Variants in ZNF385D observed in about 807,000 individuals in gnomAD.
ZNF385D encodes the protein zinc finger protein 385D, also known as zinc finger protein 659.
ZNF385D carries 15 observed loss-of-function variants against 35.8 expected under a neutral mutation model. The ratio of observed to expected loss-of-function variants is 0.42; its 90% CI spans 0.28 to 0.64. The LOEUF (loss-of-function observed/expected upper bound fraction) is 0.64, where lower values mean the gene tolerates loss of function less well. Ranked by LOEUF, ZNF385D falls within the 30% of genes least tolerant of loss-of-function variation. The pLI is 0.23. For synonymous variants in ZNF385D, 212 were observed against 186.8 expected (o/e 1.13, Z -1.10); for missense variants, 474 against 494.6 (o/e 0.96, Z 0.39).
chr3:21,774,044 G>A (rs112235943), intron 3 of ZNF385D, among the ~76,000 whole-genome samples: 12,181 of 151,920 alleles, frequency 0.08, 796 homozygotes, highest in East Asian at 0.33. Context: ...GATAGACTGC[G>A]TAAAGAAAAT....
intron 3 of ZNF385D, among the ~76,000 whole-genome samples, chr3:22,013,175 G>A (rs1024776167): frequency 4.4e-4 from 67 of 152,144 alleles, no homozygotes; most frequent in African/African-American, 1.5e-3. Flanking sequence ...TGTTAAAACT[G>A]AAAATATATA....
chr3:21,670,663 C>G (rs1559505450), intron 1 of ZNF385D, among the ~76,000 whole-genome samples: 2 of 21,310 alleles, frequency 9.4e-5, no homozygotes, highest in African/African-American at 2.6e-4. Context: ...CCCCCCCCCC[C>G]CCCCCCCCCC....
At chr3:21,780,478 T>C (rs9877894) in intron 3 of ZNF385D, among the ~76,000 whole-genome samples, 19,022 of 151,998 alleles carry the variant, frequency 0.13, 1,975 homozygotes, top group African/African-American at 0.29. Flanking sequence ...ACGACATGCA[T>C]CTGTACTACT....
At chr3:22,263,661 T>G (rs1462352173) in intron 2 of ZNF385D, among the ~76,000 whole-genome samples, 1 of 152,028 alleles carries the variant, frequency 6.6e-6, no homozygotes, top group African/African-American at 2.4e-5. Flanking sequence ...TAATAAATAT[T>G]TGTTAAATGA....
chr3:21,997,557 GAAAA>G (rs35859359), intron 3 of ZNF385D, among the ~76,000 whole-genome samples: 4 of 145,176 alleles, frequency 2.8e-5, no homozygotes, highest in Non-Finnish European at 4.5e-5. Context: ...TATCTCTGCA[GAAAA>G]AAAAAACAGT....
At chr3:22,130,026 G>A (rs1334835729) in intron 3 of ZNF385D, among the ~76,000 whole-genome samples, 1 of 152,124 alleles carries the variant, frequency 6.6e-6, no homozygotes. Context: ...TCTTAAGCCA[G>A]CAGGTTGTAA....
rs1040244405 is a variant in ZNF385D, at chr3:21,640,524, G to T, written c.165+24362C>A. ...ATTAGGTTTAGAGGCAATCAGGAGGGTGGAGCCCCCATGACAAGATTAGTG... is the reference window on the plus strand; with the variant it reads ...ATTAGGTTTAGAGGCAATCAGGAGGTTGGAGCCCCCATGACAAGATTAGTG... On this transcript the variant is annotated intron_variant, in intron 2 of 7. Transcript: ENST00000281523. 3.9e-5 allele frequency among the ~76,000 whole-genome samples: 6 copies of T among 152,170 alleles called. No homozygotes were observed. The South Asian group carries it at 1.2e-3, about 32-fold the overall frequency.
intron 3 of ZNF385D, among the ~76,000 whole-genome samples, chr3:21,855,918 T>A (rs555770212): frequency 6.6e-6 from 1 of 152,142 alleles, no homozygotes; most frequent in East Asian, 1.9e-4. Flanking sequence ...TGGTAGCTAA[T>A]AACAACATGC....
At chr3:21,668,244 T>G (rs938087590) in intron 1 of ZNF385D, among the ~76,000 whole-genome samples, 4 of 152,254 alleles carry the variant, frequency 2.6e-5, no homozygotes, top group African/African-American at 9.6e-5. Flanking sequence ...GACCCTTAAG[T>G]GGAGGAGTTG....
At chr3:22,031,427 C>A (rs372143427) in intron 3 of ZNF385D, among the ~76,000 whole-genome samples, 15 of 152,294 alleles carry the variant, frequency 9.8e-5, no homozygotes, top group Admixed American at 5.9e-4. Flanking sequence ...GTATTCTGCA[C>A]ACCCGTAGAC....
At chr3:21,995,858 G>A (rs530358901) in intron 3 of ZNF385D, among the ~76,000 whole-genome samples, 1 of 152,092 alleles carries the variant, frequency 6.6e-6, no homozygotes, top group South Asian at 2.1e-4. Flanking sequence ...GCTCTAGTGG[G>A]GATACACTTT....
At chr3:22,278,879 A>G (rs1274692581) in intron 2 of ZNF385D, among the ~76,000 whole-genome samples, 1 of 152,028 alleles carries the variant, frequency 6.6e-6, no homozygotes, top group African/African-American at 2.4e-5. Context: ...AATTGGCTTG[A>G]CGTGACCTTT....
intron 3 of ZNF385D, among the ~76,000 whole-genome samples, chr3:22,006,448 A>G (rs1696208475): frequency 6.6e-6 from 1 of 152,148 alleles, no homozygotes; most frequent in Non-Finnish European, 1.5e-5. Flanking sequence ...TGTTCCCAGA[A>G]ATGATTTTGA....
intron 2 of ZNF385D, among the ~76,000 whole-genome samples, chr3:22,305,660 C>G (rs1703167402): frequency 1.3e-5 from 2 of 152,282 alleles, no homozygotes; most frequent in Non-Finnish European, 2.9e-5. Context: ...TGATGCATGT[C>G]ACTGCTGATC....
At chr3:21,500,914 G>A (rs1199850214) in intron 4 of ZNF385D, among the ~76,000 whole-genome samples, 1 of 152,164 alleles carries the variant, frequency 6.6e-6, no homozygotes, top group Non-Finnish European at 1.5e-5. Context: ...TAGAAACTGG[G>A]TCCACCCAAA....
At chr3:21,461,185 A>T (rs934117430) in intron 4 of ZNF385D, among the ~76,000 whole-genome samples, 1 of 152,190 alleles carries the variant, frequency 6.6e-6, no homozygotes, top group East Asian at 1.9e-4. Flanking sequence ...TTCATCTTCA[A>T]AATCATTTTG....
intron 2 of ZNF385D, among the ~76,000 whole-genome samples, chr3:22,206,958 C>T (rs946476746): frequency 3.0e-4 from 46 of 151,638 alleles, no homozygotes; most frequent in African/African-American, 1.1e-3. Flanking sequence ...CCGAAGACTA[C>T]AAAATGAAAA....
At chr3:21,787,924 A>G (rs1040329918) in intron 3 of ZNF385D, among the ~76,000 whole-genome samples, 1 of 133,862 alleles carries the variant, frequency 7.5e-6, no homozygotes, top group Non-Finnish European at 1.5e-5. Flanking sequence ...CCTGGGCGAC[A>G]GAGCGAGACT....
intron 2 of ZNF385D, among the ~76,000 whole-genome samples, chr3:21,613,650 C>G (rs903672548): frequency 6.6e-6 from 1 of 152,172 alleles, no homozygotes; most frequent in Non-Finnish European, 1.5e-5. Context: ...TTGAATGGCC[C>G]TTTGACCCCT....
Sources: allele counts gnomAD v4.1 joint callset (sites outside exome capture counted in the v4.1 genomes callset), GRCh38; gene constraint gnomAD v4.1.1; transcripts MANE v1.5; gene names NCBI Gene and HGNC (gene_info 2026-07-23, HGNC 2026-07-21).